Variants in WDR7 observed in about 807,000 individuals in gnomAD.
The protein encoded by WDR7 is WD repeat-containing protein 7.
In WDR7, 46 loss-of-function variants were observed where a neutral mutation model predicts 169.4. That is an observed-to-expected ratio of 0.27 (90% CI 0.21 to 0.35). The LOEUF (loss-of-function observed/expected upper bound fraction) is 0.35, where lower values mean the gene tolerates loss of function less well. WDR7 is among the 10% of genes least tolerant of loss of function. The pLI is 1.00. For synonymous variants in WDR7, 612 were observed against 666.8 expected, an observed-to-expected ratio of 0.92 and a Z score of 1.27; for missense variants, 1,534 against 1,859.3, an observed-to-expected ratio of 0.83 and a Z score of 3.22.
intron 3 of WDR7, 76 bp downstream of exon 3, chr18:56,679,514 A>ATTTTTTTTTTTTT (rs11452823): frequency 1.9e-6 from 1 of 525,408 alleles, no homozygotes; most frequent in Non-Finnish European, 3.0e-6. Context: ...GTAGCGAGGT[A>ATTTTTTTTTTTTT]TTTTTTTTTT....
intron 20 of WDR7, among the ~76,000 whole-genome samples, chr18:56,878,702 T>A (rs1417618384): frequency 6.6e-6 from 1 of 152,172 alleles, no homozygotes; most frequent in Non-Finnish European, 1.5e-5. Flanking sequence ...AAACTAGTAC[T>A]TATTAGCTAT....
At chr18:56,794,304 A>T (rs200234724) in intron 19 of WDR7, among the ~76,000 whole-genome samples, 772 of 49,392 alleles carry the variant, frequency 0.016, 3 homozygotes, top group Admixed American at 0.022. Context: ...GGTAAAGTCT[A>T]TTTTTTTTTT....
chr18:56,756,059 A>G (rs2043881245), intron 14 of WDR7, among the ~76,000 whole-genome samples: 3 of 152,204 alleles, frequency 2.0e-5, no homozygotes, highest in African/African-American at 7.2e-5. Flanking sequence ...AGCATGGTCA[A>G]AAGATAGCAT....
intron 21 of WDR7, among the ~76,000 whole-genome samples, chr18:56,884,871 A>G (rs1326184607): frequency 6.6e-6 from 1 of 152,212 alleles, no homozygotes; most frequent in Non-Finnish European, 1.5e-5. Context: ...ACAACTAAGG[A>G]TGCTCACAGA....
chr18:56,700,602 C>G (rs867007652), intron 12 of WDR7, among the ~76,000 whole-genome samples: 1 of 127,814 alleles, frequency 7.8e-6, no homozygotes, highest in Middle Eastern at 5.3e-3. Flanking sequence ...CGGAGTCTCG[C>G]TCTGTCGCCC....
intron 13 of WDR7, among the ~76,000 whole-genome samples, chr18:56,730,346 C>G (rs1011998332): frequency 6.6e-6 from 1 of 152,102 alleles, no homozygotes; most frequent in Non-Finnish European, 1.5e-5. Flanking sequence ...GAAAATGTAA[C>G]ATTAAGAGCT....
chr18:56,688,421 A>C (rs975305128), intron 7 of WDR7, among the ~76,000 whole-genome samples: 12 of 152,124 alleles, frequency 7.9e-5, no homozygotes, highest in African/African-American at 2.9e-4. Flanking sequence ...AGATGCAAAT[A>C]GTAATAAAAA....
At chr18:56,662,001 A>G (rs1032592644) in intron 1 of WDR7, among the ~76,000 whole-genome samples, 7 of 152,226 alleles carry the variant, frequency 4.6e-5, no homozygotes, top group African/African-American at 1.7e-4. Flanking sequence ...GAATTTGAAT[A>G]AACCTTTACA....
At chr18:57,013,380 G>A (rs1252681463) in intron 26 of WDR7, among the ~76,000 whole-genome samples, 2 of 152,190 alleles carry the variant, frequency 1.3e-5, no homozygotes. Context: ...AGTAATGCAT[G>A]TTTACCCTTC....
intron 1 of WDR7, among the ~76,000 whole-genome samples, chr18:56,658,904 G>C (rs996529800): frequency 6.6e-6 from 1 of 152,062 alleles, no homozygotes. Flanking sequence ...TTTTAGTAGA[G>C]ATGGGGTTTC....
intron 19 of WDR7, among the ~76,000 whole-genome samples, chr18:56,802,252 T>A (rs1247270021): frequency 6.6e-6 from 1 of 152,192 alleles, no homozygotes; most frequent in East Asian, 1.9e-4. Context: ...CATCCATATG[T>A]CCATTTTGGT....
intron 14 of WDR7, among the ~76,000 whole-genome samples, chr18:56,751,757 C>T (rs1036495753): frequency 6.6e-6 from 1 of 152,078 alleles, no homozygotes; most frequent in Non-Finnish European, 1.5e-5. Flanking sequence ...TTCACTTTAA[C>T]TAGTGTTGGT....
At chr18:56,866,079 G>A (rs1335279551) in intron 20 of WDR7, among the ~76,000 whole-genome samples, 3 of 152,180 alleles carry the variant, frequency 2.0e-5, no homozygotes, top group Non-Finnish European at 2.9e-5. Context: ...GGTCAGTGAA[G>A]ATTCTGGTGA....
chr18:56,910,525 T>A (rs2046538224), intron 21 of WDR7, among the ~76,000 whole-genome samples: 1 of 152,224 alleles, frequency 6.6e-6, no homozygotes. Flanking sequence ...TTTGTCCTGC[T>A]ATTTGTGATT....
At chr18:56,745,535 A>G (rs1017867237) in intron 14 of WDR7, among the ~76,000 whole-genome samples, 1 of 152,082 alleles carries the variant, frequency 6.6e-6, no homozygotes, top group South Asian at 2.1e-4. Context: ...ACAGTTCACA[A>G]TAGGGTTTTC....
chr18:57,005,471 A>G (rs1470795215), intron 26 of WDR7, among the ~76,000 whole-genome samples: 1 of 152,188 alleles, frequency 6.6e-6, no homozygotes, highest in Non-Finnish European at 1.5e-5. Flanking sequence ...GAAATTGTTT[A>G]TACCAGGAAA....
intron 20 of WDR7, among the ~76,000 whole-genome samples, chr18:56,848,973 C>T (rs763623175): frequency 1.3e-5 from 2 of 152,126 alleles, no homozygotes; most frequent in East Asian, 3.9e-4. Context: ...TTAACTTTTC[C>T]CACTTACTAA....
intron 21 of WDR7, among the ~76,000 whole-genome samples, chr18:56,918,682 T>C (rs1286649130): frequency 1.3e-5 from 2 of 152,224 alleles, no homozygotes; most frequent in Non-Finnish European, 2.9e-5. Flanking sequence ...ACATTGTTTA[T>C]ATTTTTCATA....
chr18:56,695,761 C>T (rs2025688770), intron 11 of WDR7, among the ~76,000 whole-genome samples: 1 of 152,152 alleles, frequency 6.6e-6, no homozygotes, highest in Non-Finnish European at 1.5e-5. Flanking sequence ...TCTCGAACTC[C>T]TGACCTCAAG....
Sources: allele counts gnomAD v4.1 joint callset (sites outside exome capture counted in the v4.1 genomes callset), GRCh38; gene constraint gnomAD v4.1.1; transcripts MANE v1.5; gene names NCBI Gene and HGNC (gene_info 2026-07-23, HGNC 2026-07-21).